BDH1: variants seen among roughly 807,000 people sequenced by gnomAD.
BDH1 encodes the protein 3-hydroxybutyrate dehydrogenase 1.
BDH1 carries 30 observed loss-of-function variants against 33.1 expected under a neutral mutation model. The observed-to-expected ratio is 0.91, with a 90% confidence interval of 0.68 to 1.23. The LOEUF (loss-of-function observed/expected upper bound fraction) is 1.23, where lower values mean the gene tolerates loss of function less well. BDH1 is among the 50% of genes most tolerant of loss of function. BDH1 has a pLI of 0.00. For synonymous variants in BDH1, 190 were observed against 183.6 expected, an observed-to-expected ratio of 1.03 and a Z score of -0.28; for missense variants, 443 against 464.4, an observed-to-expected ratio of 0.95 and a Z score of 0.42.
rs1217764037 is a variant in BDH1 at position 197,526,062 on chromosome 3, ATT to A, written c.268-3283_268-3282del. Among the ~76,000 whole-genome samples the A allele has an allele frequency of 6.6e-6, 1 of 151,922 alleles. No individual in the cohort carries two copies. Among genetic ancestry groups the A allele is most frequent in the Non-Finnish European group, 1.5e-5 (1 of 67,970 alleles). On this transcript the variant is annotated intron_variant, in intron 5 of 7. Transcript: ENST00000392379. This position sits in a 1 kb window ranked among gnomAD's most constrained non-coding sequence, Gnocchi z 4.7. ...TCCCTTTCAACCTCACCTGTAAGCTATTTTTTCCAGCCCTGGATGAAACTTCA... is the reference window on the plus strand; with the variant it reads ...TCCCTTTCAACCTCACCTGTAAGCTATTTTCCAGCCCTGGATGAAACTTCA...
chr3:197,532,443 C>G lies in BDH1; in HGVS notation c.236G>C (p.Gly79Ala), dbSNP rs1714754497. The G allele has an allele frequency of 3.1e-6, 5 of 1,614,228 alleles. No homozygotes were observed. The highest frequency in any genetic ancestry group is 4.2e-6 in the Non-Finnish European group (5 of 1,180,038). ...CAAGCAGCCAGCAAACACAAGGAAG[C>G]CTTTTGAATGCAGATGCTTGGCCAA... Reference protein sequence around the residue: ...FSLAKHLHSKGFLVFAGCLMK... With the variant: ...FSLAKHLHSKAFLVFAGCLMK... Residue 79 changes from glycine (G) to alanine (A), a missense_variant, in exon 5 of 8, where the codon GGC (glycine) becomes GCC (alanine). Transcript: ENST00000392379.
chr3:197,559,653 AATTT>A (rs1362663280), upstream of BDH1, among the ~76,000 whole-genome samples: 2 of 152,258 alleles, frequency 1.3e-5, no homozygotes, highest in Non-Finnish European at 2.9e-5. Flanking sequence ...GCTAAGGAAG[AATTT>A]ATTTGTTTGG....
intron 2 of BDH1, among the ~76,000 whole-genome samples, chr3:197,547,239 G>A (rs1716161953): frequency 6.6e-6 from 1 of 152,208 alleles, no homozygotes; most frequent in Admixed American, 6.5e-5. Flanking sequence ...GATCAGCACG[G>A]GCATGCGTTG....
At chr3:197,551,906 T>C (rs1032453936) in intron 2 of BDH1, among the ~76,000 whole-genome samples, 34 of 152,174 alleles carry the variant, frequency 2.2e-4, no homozygotes, top group African/African-American at 8.2e-4. Flanking sequence ...AGGGCTTGCC[T>C]ACCAAATTAA....
At chr3:197,570,494 G>A (rs766516050) in intron 1 of BDH1, among the ~76,000 whole-genome samples, 22 of 152,196 alleles carry the variant, frequency 1.4e-4, no homozygotes, top group Non-Finnish European at 3.1e-4. Context: ...AAATGTTTGC[G>A]TGGCCTGGGC....
intron 1 of BDH1, among the ~76,000 whole-genome samples, chr3:197,565,023 A>G (rs1045213282): frequency 6.6e-6 from 1 of 152,178 alleles, no homozygotes; most frequent in Non-Finnish European, 1.5e-5. Flanking sequence ...CCAAGGTTCA[A>G]GCGATTCTCC....
At position 197,514,830 on chromosome 3, in the gene BDH1, G is replaced by A. The variant is rs543431707; in HGVS notation, c.410-414C>T. On this transcript the variant is annotated intron_variant, in intron 6 of 7. Coordinates refer to ENST00000392379, the MANE Select transcript of BDH1 (RefSeq NM_203314.3). The surrounding 1 kb of genome is among the most constrained non-coding windows in gnomAD (Gnocchi z 4.2). ...TCTCTGCCCTTGAGCTTTTGCTCAC[G>A]TCTTCTCTTCTCTTGCCAGAAGCCA... 6.6e-5 allele frequency among the ~76,000 whole-genome samples: 10 copies of A among 152,124 alleles called. No individual in the cohort carries two copies. The highest frequency in any genetic ancestry group is 1.9e-4 in the African/African-American group (8 of 41,424).
At chr3:197,540,368 A>T (rs1256450177) in intron 3 of BDH1, among the ~76,000 whole-genome samples, 1 of 147,952 alleles carries the variant, frequency 6.8e-6, no homozygotes, top group African/African-American at 2.5e-5. Flanking sequence ...TGACATTTTT[A>T]AAAGTAACAA....
chr3:197,529,669 T>C (rs1714461926), intron 5 of BDH1: 1 of 152,208 alleles, frequency 6.6e-6, no homozygotes, highest in South Asian at 2.1e-4. Context: ...CTTTCACAAT[T>C]CAAAGAAGTA....
chr3:197,570,665 C>T (rs1345163930), intron 1 of BDH1, among the ~76,000 whole-genome samples: 1 of 152,162 alleles, frequency 6.6e-6, no homozygotes, highest in Non-Finnish European at 1.5e-5. Context: ...CCTGTGGGTG[C>T]ACAGAAGTCA....
In BDH1 at chr3:197,519,440, C is replaced by T. The variant is rs532010590; in HGVS notation, c.409+3200G>A. On this transcript the variant is annotated intron_variant, in intron 6 of 7. Coordinates refer to ENST00000392379, the MANE Select transcript of BDH1 (RefSeq NM_203314.3). Reference sequence around the variant, plus strand: ...CTTTGGGAGTCCAAGGCAGGTGGATCACCTGAGGTCAGGAGTTTGAGACCA... The same window carrying T: ...CTTTGGGAGTCCAAGGCAGGTGGATTACCTGAGGTCAGGAGTTTGAGACCA... 4.5e-3 allele frequency among the ~76,000 whole-genome samples: 687 copies of T among 151,762 alleles called. 3 individuals are homozygous for T. The highest frequency in any genetic ancestry group is 8.4e-3 in the Non-Finnish European group (571 of 67,950).
intron 3 of BDH1, chr3:197,538,489 C>T (rs1158861829): frequency 9.5e-6 from 4 of 419,922 alleles, no homozygotes; most frequent in Admixed American, 7.6e-5. Flanking sequence ...GTAGCCGGGA[C>T]TACAGGCTTG....
At chr3:197,538,370 A>C (rs1379476762) in intron 3 of BDH1, 3 of 454,542 alleles carry the variant, frequency 6.6e-6, no homozygotes, top group African/African-American at 6.0e-5. Flanking sequence ...TTTGTTTTTG[A>C]GACAGAGTTT....
At chr3:197,535,188 A>C (rs1363478031) in intron 3 of BDH1, among the ~76,000 whole-genome samples, 8 of 152,200 alleles carry the variant, frequency 5.3e-5, no homozygotes, top group African/African-American at 1.9e-4. Context: ...GGAGAATGCA[A>C]ACATTCGGAC....
At chr3:197,548,638 G>C (rs1716289904) in intron 2 of BDH1, among the ~76,000 whole-genome samples, 1 of 151,920 alleles carries the variant, frequency 6.6e-6, no homozygotes, top group Non-Finnish European at 1.5e-5. Context: ...ATCACCTGAG[G>C]TCATGAGTTC....
In BDH1 at chr3:197,520,235, T is replaced by C. The variant is rs1460717698; in HGVS notation, c.409+2405A>G. On this transcript the variant is annotated intron_variant, in intron 6 of 7. Coordinates refer to ENST00000392379, the MANE Select transcript of BDH1 (RefSeq NM_203314.3). The surrounding 1 kb of genome is among the most constrained non-coding windows in gnomAD (Gnocchi z 6.0). ...AGGAGATGGGGGACACGCCACTGCA[T>C]ATCTGACGGATGTACTGTTTTCTTC... Among the ~76,000 whole-genome samples the C allele has an allele frequency of 6.6e-6, 1 of 151,896 alleles. No homozygotes were observed. Among genetic ancestry groups the C allele is most frequent in the African/African-American group, 2.4e-5 (1 of 41,310 alleles).
rs1713392006 is a variant in BDH1 at position 197,520,246 on chromosome 3, T to G, written c.409+2394A>C. On this transcript the variant is annotated intron_variant, in intron 6 of 7. Coordinates refer to ENST00000392379, the MANE Select transcript of BDH1 (RefSeq NM_203314.3). This position sits in a 1 kb window ranked among gnomAD's most constrained non-coding sequence, Gnocchi z 6.0. ...GACACGCCACTGCATATCTGACGGA[T>G]GTACTGTTTTCTTCAGACCTAAAAG... Among the ~76,000 whole-genome samples the G allele has an allele frequency of 2.0e-5, 3 of 151,838 alleles. No homozygotes were observed. Among genetic ancestry groups the G allele is most frequent in the African/African-American group, 2.4e-5 (1 of 41,284 alleles).
At chr3:197,524,908 C>G (rs533970260) in intron 5 of BDH1, among the ~76,000 whole-genome samples, 2 of 152,296 alleles carry the variant, frequency 1.3e-5, no homozygotes, top group South Asian at 4.1e-4. Context: ...TCCCCAGTGG[C>G]CCTTTGAAAA....
At chr3:197,550,504 C>G (rs958889438) in intron 2 of BDH1, among the ~76,000 whole-genome samples, 1 of 152,188 alleles carries the variant, frequency 6.6e-6, no homozygotes, top group Non-Finnish European at 1.5e-5. Flanking sequence ...GCTGCAGAGA[C>G]TATGCTTTGG....
Sources: gnomAD v4.1 joint callset for allele counts (sites outside exome capture counted in the v4.1 genomes callset) on GRCh38, gnomAD v4.1.1 for gene constraint, Gnocchi (gnomAD v3.1) non-coding constraint, MANE v1.5 for transcripts, NCBI Gene and HGNC (gene_info 2026-07-23, HGNC 2026-07-21) for gene names.